TNRC6B: variants seen among roughly 807,000 people sequenced by gnomAD.
TNRC6B encodes trinucleotide repeat containing adaptor 6B.
TNRC6B carries 52 observed loss-of-function variants against 203.6 expected under a neutral mutation model. That is an observed-to-expected ratio of 0.26 (90% CI 0.20 to 0.32). The LOEUF (loss-of-function observed/expected upper bound fraction) is 0.32. Ranked by LOEUF, TNRC6B falls within the 10% of genes least tolerant of loss-of-function variation. TNRC6B has a pLI of 1.00. For missense variants in TNRC6B, 1,923 were observed against 2,286.2 expected (o/e 0.84, Z 3.24); for synonymous variants, 838 against 845.7 (o/e 0.99, Z 0.16).
At chr22:40,073,274 G>A (rs893001503) in intron 1 of TNRC6B, among the ~76,000 whole-genome samples, 54 of 151,376 alleles carry the variant, frequency 3.6e-4, no homozygotes, top group African/African-American at 1.2e-3. Flanking sequence ...TTTGCAGAGT[G>A]TAATATAGAA....
intron 15 of TNRC6B, among the ~76,000 whole-genome samples, chr22:40,301,709 A>T (rs2071026085): frequency 6.6e-6 from 1 of 152,182 alleles, no homozygotes; most frequent in South Asian, 2.1e-4. Flanking sequence ...GATATACCAC[A>T]GTGTGTTTAC....
chr22:40,236,239 G>C (rs965382677), intron 1 of TNRC6B, among the ~76,000 whole-genome samples: 6 of 152,132 alleles, frequency 3.9e-5, no homozygotes, highest in African/African-American at 1.4e-4. Flanking sequence ...AGGGTCACTA[G>C]TGTCACCATT....
chr22:40,069,075 C>G (rs568688131), intron 1 of TNRC6B, among the ~76,000 whole-genome samples: 1 of 152,116 alleles, frequency 6.6e-6, no homozygotes, highest in South Asian at 2.1e-4. Context: ...TCCTTTGTTT[C>G]CAGGACCTAG....
At chr22:40,251,003 T>C (rs1055133004) in intron 2 of TNRC6B, among the ~76,000 whole-genome samples, 176 bp from the exon 3 acceptor site, 1 of 151,542 alleles carries the variant, frequency 6.6e-6, no homozygotes, top group African/African-American at 2.4e-5. Flanking sequence ...GCTGGACATA[T>C]GGCCACAGTC....
At chr22:40,313,255 T>C (rs1304262340) in intron 19 of TNRC6B, among the ~76,000 whole-genome samples, 1 of 152,190 alleles carries the variant, frequency 6.6e-6, no homozygotes, top group Non-Finnish European at 1.5e-5. Context: ...TCCAGAGGGC[T>C]GGAGTCACGT....
intron 1 of TNRC6B, among the ~76,000 whole-genome samples, chr22:40,192,021 G>A (rs911646297): frequency 8.5e-5 from 13 of 152,110 alleles, no homozygotes; most frequent in Non-Finnish European, 1.6e-4. Flanking sequence ...GAGCCACCGC[G>A]CCCAGCCTAT....
At position 40,273,574 on chromosome 22, in the gene TNRC6B, G is replaced by C. The variant is rs2070595335; in HGVS notation, c.3115G>C (p.Gly1039Arg). ...TTCCTCCCACAACTCAGCAAGCTGG[G>C]GACAAGGAGGAAAGAAACAAATGAA... is the stretch of plus-strand genomic sequence containing the variant. ...SASSHNSASWGQGGKKQMKCS... is the reference protein window; with the variant it reads ...SASSHNSASWRQGGKKQMKCS... The change falls in exon 7 of 23, where the codon GGA becomes CGA. Residue 1039 changes from glycine to arginine, a missense_variant. Coordinates refer to ENST00000454349, the MANE Select transcript of TNRC6B (RefSeq NM_001162501.2). 1.9e-6 allele frequency: 3 copies of C among 1,582,574 alleles called. No individual in the cohort carries two copies. Among genetic ancestry groups the C allele is most frequent in the Non-Finnish European group, 2.6e-6 (3 of 1,164,244 alleles).
intron 3 of TNRC6B, among the ~76,000 whole-genome samples, chr22:40,258,496 T>TA (rs987541547): frequency 6.6e-6 from 1 of 152,190 alleles, no homozygotes; most frequent in African/African-American, 2.4e-5. Context: ...AGGTGTGATT[T>TA]AAAAAATAGA....
chr22:40,155,864 T>C (rs2068814875), intron 3 of TNRC6B, among the ~76,000 whole-genome samples: 1 of 152,250 alleles, frequency 6.6e-6, no homozygotes, highest in African/African-American at 2.4e-5. Context: ...GTCTCATTGA[T>C]TCATCACCGT....
intron 1 of TNRC6B, among the ~76,000 whole-genome samples, chr22:40,202,770 C>T (rs940482874): frequency 6.6e-6 from 1 of 152,012 alleles, no homozygotes; most frequent in African/African-American, 2.4e-5. Flanking sequence ...GAGTAGACTG[C>T]GTGGAGGGGA....
chr22:40,175,155 G>A (rs1468969170), upstream of TNRC6B, among the ~76,000 whole-genome samples: 2 of 151,954 alleles, frequency 1.3e-5, no homozygotes, highest in Admixed American at 6.6e-5. Flanking sequence ...TCAGGAGTTC[G>A]AGACCAGCCT....
rs538294592 is a variant in TNRC6B, at chr22:40,106,608, G to A, written c.-120-10447G>A. 1.2e-5 allele frequency: 9 copies of A among 727,536 alleles called. No homozygotes were observed. In the African/African-American group the frequency reaches 1.6e-4, roughly 13 times the overall value. 45.1% of individuals were successfully genotyped at this position (727,536 alleles called of 1,614,324 possible). ...TCTCCATAACCACGCTTGTAGATAA[G>A]TTCATTTAGTGACTTTAGATTTGGG... is the stretch of plus-strand genomic sequence containing the variant. On this transcript the variant is annotated intron_variant, in intron 1 of 23. Coordinates refer to the TNRC6B transcript ENST00000301923.
chr22:40,048,296 T>A (rs1569242701), intron 1 of TNRC6B, among the ~76,000 whole-genome samples: 1 of 152,114 alleles, frequency 6.6e-6, no homozygotes, highest in Non-Finnish European at 1.5e-5. Flanking sequence ...TACCAGCACT[T>A]TTGGGAGGCC....
intron 1 of TNRC6B, among the ~76,000 whole-genome samples, chr22:40,216,143 C>T (rs2069631726): frequency 6.6e-6 from 1 of 152,244 alleles, no homozygotes; most frequent in African/African-American, 2.4e-5. Flanking sequence ...TTGGCCCATG[C>T]CGTTCCCCCT....
chr22:40,087,402 A>T (rs1183039800), intron 1 of TNRC6B, among the ~76,000 whole-genome samples: 1 of 152,178 alleles, frequency 6.6e-6, no homozygotes, highest in Admixed American at 6.5e-5. Context: ...TTTGACACAT[A>T]CTGAGCACCA....
chr22:40,138,401 G>A (rs1399733425), intron 3 of TNRC6B, among the ~76,000 whole-genome samples: 4 of 152,122 alleles, frequency 2.6e-5, no homozygotes, highest in Non-Finnish European at 5.9e-5. Context: ...GAGTAGCTGG[G>A]ATTACAGGCA....
At chr22:40,293,216 G>T (rs1247058811) in intron 12 of TNRC6B, among the ~76,000 whole-genome samples, 1 of 35,036 alleles carries the variant, frequency 2.9e-5, no homozygotes. Flanking sequence ...TTTTTTTTGA[G>T]GCAGAGTCTC....
chr22:40,275,990 C>CA, intron 7 of TNRC6B, among the ~76,000 whole-genome samples: 1 of 150,732 alleles, frequency 6.6e-6, no homozygotes, highest in Non-Finnish European at 1.5e-5. Flanking sequence ...ACACACACAC[C>CA]AAAAAAACCT....
intron 1 of TNRC6B, among the ~76,000 whole-genome samples, chr22:40,180,602 A>G (rs1369164177): frequency 6.6e-6 from 1 of 152,240 alleles, no homozygotes; most frequent in African/African-American, 2.4e-5. Context: ...CTGCAGAGCC[A>G]ATCCTTCTGG....
Sources: allele counts gnomAD v4.1 joint callset (sites outside exome capture counted in the v4.1 genomes callset), GRCh38; gene constraint gnomAD v4.1.1; transcripts MANE v1.5; gene names NCBI Gene and HGNC (gene_info 2026-07-23, HGNC 2026-07-21).